The following ZNF726 variants were observed in gnomAD, a reference collection of about 807,000 sequenced individuals.
ZNF726 encodes zinc finger protein 92 pseudogene 3.
ZNF726 carries 15 observed loss-of-function variants against 11.6 expected under a neutral mutation model. The ratio of observed to expected loss-of-function variants is 1.29; its 90% CI spans 0.86 to 1.99. The LOEUF is 1.99. Ranked by LOEUF, ZNF726 falls within the 30% of genes most tolerant of loss-of-function variation. The pLI is 0.00. For synonymous variants in ZNF726, 295 were observed against 243.6 expected (o/e 1.21, Z -1.96); for missense variants, 890 against 725.6 (o/e 1.23, Z -2.60).
intron 3 of ZNF726, chr19:23,943,448 A>T: frequency 1.8e-6 from 1 of 547,358 alleles, no homozygotes; most frequent in Non-Finnish European, 3.4e-6. Flanking sequence ...TAGGTTGCTA[A>T]CTGGAGAATC....
chr19:23,934,215 A>G lies in ZNF726; in HGVS notation c.*248A>G. On this transcript the variant is annotated 3_prime_UTR_variant, in exon 4 of 4. Coordinates refer to ENST00000594466, the MANE Select transcript of ZNF726 (RefSeq NM_001244038.2). The stretch of plus-strand genomic sequence containing the variant: ...ACATAAGATAATTCATACTGGAAAT[A>G]AACCCTACAAATGTGAAAAATGTGG... 1 of 756,372 alleles carries G rather than the reference A, an allele frequency of 1.3e-6. No homozygotes were observed. The highest frequency in any genetic ancestry group is 1.9e-5 in the Admixed American group (1 of 51,886). The allele number at this position is 756,372 out of a possible 1,614,324, so 46.9% of individuals were successfully genotyped here.
chr19:23,916,224 G>GT (rs1453549445), intron 1 of ZNF726, among the ~76,000 whole-genome samples: 1 of 152,006 alleles, frequency 6.6e-6, no homozygotes, highest in East Asian at 1.9e-4. Context: ...TAAATTTCCA[G>GT]TTTTGTCTGA....
intron 3 of ZNF726, among the ~76,000 whole-genome samples, chr19:23,926,538 C>G (rs1343708901): frequency 6.9e-6 from 1 of 144,394 alleles, no homozygotes. Flanking sequence ...GGGCTGCACT[C>G]CAGCCTGGGC....
Position 23,933,863 on chromosome 19 carries a change from C to T in ZNF726, c.1747C>T (p.His583Tyr), listed in dbSNP as rs1319552624. Residue 583 changes from histidine (H) to tyrosine (Y), a missense_variant, in exon 4 of 4, where the codon CAT (histidine) becomes TAT (tyrosine). Transcript: ENST00000594466. ...AFNRSSNLST[H>Y]KIIHTGEKPY... ...TAATCGATCCTCAAATCTTAGTACG[C>T]ATAAGATAATTCATACTGGAGAGAA... 1 of 1,591,992 alleles carries T rather than the reference C, an allele frequency of 6.3e-7. No homozygotes were observed.
chr19:23,936,583 A>G (rs1179591454), downstream of ZNF726, among the ~76,000 whole-genome samples: 1 of 152,210 alleles, frequency 6.6e-6, no homozygotes, highest in East Asian at 1.9e-4. Context: ...AGGTAAGGAC[A>G]TTAAAATGTA....
At position 23,920,002 on chromosome 19, in the gene ZNF726, A is replaced by C. The variant is rs756618926; in HGVS notation, c.146A>C (p.Lys49Thr). ...AATAAAACAGGTATTGCTGTCTCTA[A>C]GCCAGACCTCATCATCTGTCTGGAG... ...NLAFLGIAVS[K>T]PDLIICLEKE... is the part of the protein sequence containing the mutation. Residue 49 changes from lysine (K) to threonine (T), a missense_variant, in exon 3 of 4, where the codon AAG becomes ACG. By Grantham distance (78) the Lys-to-Thr change is moderately conservative. Coordinates refer to ENST00000594466, the MANE Select transcript of ZNF726 (RefSeq NM_001244038.2). 1 of 1,583,496 alleles carries C rather than the reference A, an allele frequency of 6.3e-7. No individual in the cohort carries two copies. The highest frequency in any genetic ancestry group is 1.7e-5 in the Admixed American group (1 of 58,706).
intron 1 of ZNF726, among the ~76,000 whole-genome samples, chr19:23,917,818 T>C (rs764261321): frequency 2.0e-5 from 3 of 151,830 alleles, no homozygotes; most frequent in Non-Finnish European, 2.9e-5. Context: ...GCTGATTTTT[T>C]CTAACAGTTT....
At chr19:23,920,198 C>G in intron 3 of ZNF726, 116 bp downstream of exon 3, 3 of 660,762 alleles carry the variant, frequency 4.5e-6, no homozygotes, top group Non-Finnish European at 7.2e-6. Context: ...TTCTGGAAAG[C>G]CTGAAATTTA....
At chr19:23,924,876 A>G (rs558923843) in intron 3 of ZNF726, among the ~76,000 whole-genome samples, 2 of 149,692 alleles carry the variant, frequency 1.3e-5, no homozygotes, top group Non-Finnish European at 3.0e-5. Context: ...TGGGTGACAG[A>G]TTGAGACCTT....
intron 3 of ZNF726, among the ~76,000 whole-genome samples, chr19:23,924,554 AC>A (rs1205353436): frequency 6.6e-6 from 1 of 152,116 alleles, no homozygotes; most frequent in South Asian, 2.1e-4. Context: ...TTTTAAAAAA[AC>A]ATAACATATA....
At chr19:23,940,830 G>A (rs545284042) in intron 3 of ZNF726, among the ~76,000 whole-genome samples, 5 of 152,188 alleles carry the variant, frequency 3.3e-5, no homozygotes, top group African/African-American at 4.8e-5. Flanking sequence ...ATTTGTATAC[G>A]TTAATCTTGT....
chr19:23,915,122 C>G (rs1381041521), intron 1 of ZNF726, 125 bp downstream of exon 1: 19 of 1,433,496 alleles, frequency 1.3e-5, no homozygotes, highest in Non-Finnish European at 1.8e-5. Context: ...GAGTTGTTGC[C>G]CAGCTCGGCC....
chr19:23,927,088 CT>C (rs1454315498), intron 3 of ZNF726, among the ~76,000 whole-genome samples: 2 of 152,088 alleles, frequency 1.3e-5, no homozygotes, highest in Non-Finnish European at 2.9e-5. Flanking sequence ...AGCAATTCTC[CT>C]GTCTCAACTT....
At chr19:23,915,116 T>A (rs532166842) in intron 1 of ZNF726, 119 bp downstream of exon 1, 11 of 1,493,206 alleles carry the variant, frequency 7.4e-6, no homozygotes, top group Non-Finnish European at 1.0e-5. Flanking sequence ...GCGCCCGAGT[T>A]GTTGCCCAGC....
chr19:23,938,611 C>CTTTTTTTTTTTT (rs35605431), downstream of ZNF726, among the ~76,000 whole-genome samples: 1 of 129,390 alleles, frequency 7.7e-6, no homozygotes, highest in Non-Finnish European at 1.6e-5. Context: ...TTTTTTTTTC[C>CTTTTTTTTTTTT]TTTTTTTTTT....
At chr19:23,944,396 G>A (rs1484338427) in intron 4 of ZNF726, 3 of 152,032 alleles carry the variant, frequency 2.0e-5, no homozygotes, top group South Asian at 2.1e-4. Context: ...AAATCAAATG[G>A]TAGTTCTATT....
At chr19:23,916,996 G>C (rs987737580) in intron 1 of ZNF726, among the ~76,000 whole-genome samples, 3 of 152,158 alleles carry the variant, frequency 2.0e-5, no homozygotes, top group Admixed American at 6.5e-5. Flanking sequence ...TGTCACCCAG[G>C]CTGGAGTAAA....
In ZNF726 at chr19:23,932,844, A is replaced by G. The variant is rs1459815792; in HGVS notation, c.728A>G (p.Asn243Ser). The change falls in exon 4 of 4, where the codon AAT becomes AGT. Residue 243 changes from asparagine to serine, a missense_variant. Asn to Ser is a conservative substitution (Grantham distance 46, BLOSUM62 1). Transcript: ENST00000594466. ...GGCAAAGCTTTTAATCAATCCTCAA[A>G]TTATACTACACATAAGGTAACTCAT... ...EYGKAFNQSS[N>S]YTTHKVTHTG... The G allele has an allele frequency of 6.2e-7, 1 of 1,606,462 alleles. No individual in the cohort carries two copies. The highest frequency in any genetic ancestry group is 1.1e-5 in the South Asian group (1 of 90,428).
chr19:23,920,811 C>CT (rs112929346), intron 3 of ZNF726: 102 of 140,764 alleles, frequency 7.2e-4, no homozygotes, highest in South Asian at 1.1e-3. Flanking sequence ...TTCTTGCTTT[C>CT]TTTTTTTTTT....
Sources: allele counts gnomAD v4.1 joint callset (sites outside exome capture counted in the v4.1 genomes callset), GRCh38; gene constraint gnomAD v4.1.1; transcripts MANE v1.5; gene names NCBI Gene and HGNC (gene_info 2026-07-23, HGNC 2026-07-21).